GKAP1: variants seen among roughly 807,000 people sequenced by gnomAD.
The protein encoded by GKAP1 is G kinase anchoring protein 1.
In GKAP1, 31 loss-of-function variants were observed where a neutral mutation model predicts 56.7. The ratio of observed to expected loss-of-function variants is 0.55; its 90% CI spans 0.41 to 0.74. The LOEUF (loss-of-function observed/expected upper bound fraction) is 0.74. Among genes scored for constraint, GKAP1 ranks in the 30% least tolerant of loss-of-function variants. GKAP1 has a pLI of 0.00. For synonymous variants in GKAP1, 151 were observed against 138.6 expected (o/e 1.09, Z -0.63); for missense variants, 364 against 402.3 (o/e 0.90, Z 0.82).
At chr9:83,795,920 A>G (rs1414900033) in intron 4 of GKAP1, among the ~76,000 whole-genome samples, 1 of 151,970 alleles carries the variant, frequency 6.6e-6, no homozygotes. Context: ...TGGTCTTAAC[A>G]TTTTGGTTCT....
intron 7 of GKAP1, among the ~76,000 whole-genome samples, chr9:83,769,870 CTTG>C (rs1229200144): frequency 6.6e-6 from 1 of 152,162 alleles, no homozygotes; most frequent in Admixed American, 6.6e-5. Flanking sequence ...CTCATCAACA[CTTG>C]TTGTTATCTG....
At chr9:83,814,448 GA>G (rs1564219755) in intron 2 of GKAP1, among the ~76,000 whole-genome samples, 14 of 152,120 alleles carry the variant, frequency 9.2e-5, no homozygotes, top group Non-Finnish European at 2.1e-4. Context: ...ACCTGTTCCT[GA>G]AGTTAAACAT....
intron 2 of GKAP1, among the ~76,000 whole-genome samples, chr9:83,811,217 A>C (rs1944501888): frequency 1.3e-5 from 2 of 152,226 alleles, no homozygotes; most frequent in South Asian, 4.1e-4. Context: ...AACTCCATTG[A>C]AAAGTGTTTT....
At chr9:83,792,992 C>A in intron 4 of GKAP1, 9 of 1,279,766 alleles carry the variant, frequency 7.0e-6, no homozygotes, top group Non-Finnish European at 9.1e-6. Flanking sequence ...TTCCTCTTGA[C>A]TTCCTCATTG....
intron 8 of GKAP1, 121 bp downstream of exon 8, chr9:83,768,697 A>G: frequency 1.2e-6 from 1 of 812,086 alleles, no homozygotes. Context: ...AATTACTAAG[A>G]TCATATCCTA....
At chr9:83,790,025 T>C (rs2131300389) in intron 4 of GKAP1, among the ~76,000 whole-genome samples, 1 of 152,294 alleles carries the variant, frequency 6.6e-6, no homozygotes, top group South Asian at 2.1e-4. Context: ...GTGATCTGTT[T>C]CAAGGAGAAA....
chr9:83,812,665 A>G (rs554302079), intron 2 of GKAP1, among the ~76,000 whole-genome samples: 194 of 152,154 alleles, frequency 1.3e-3, no homozygotes, highest in African/African-American at 4.5e-3. Flanking sequence ...TTCTAAAAAA[A>G]AAAAAGAAAA....
intron 4 of GKAP1, 147 bp from the exon 5 acceptor site, chr9:83,788,825 A>G (rs1156385453): frequency 4.3e-6 from 2 of 468,286 alleles, no homozygotes; most frequent in African/African-American, 4.0e-5. Context: ...ACCATGCCAA[A>G]CTAGGAAGCC....
At chr9:83,809,983 A>G (rs893191991) in intron 2 of GKAP1, among the ~76,000 whole-genome samples, 2 of 151,424 alleles carry the variant, frequency 1.3e-5, no homozygotes, top group Non-Finnish European at 2.9e-5. Context: ...AATTTTTTCT[A>G]TTTTTTTTAT....
chr9:83,768,789 A>C, intron 8 of GKAP1, 29 bp downstream of exon 8: 1 of 1,585,650 alleles, frequency 6.3e-7, no homozygotes, highest in South Asian at 1.2e-5. Flanking sequence ...TTTCACTGTG[A>C]TTTTAAGAGA....
intron 7 of GKAP1, among the ~76,000 whole-genome samples, chr9:83,770,044 T>C (rs1354674256): frequency 5.9e-5 from 9 of 152,240 alleles, no homozygotes; most frequent in African/African-American, 2.2e-4. Flanking sequence ...GCCCATTTTT[T>C]AACTGGGTTA....
chr9:83,812,946 C>T (rs1226271208), intron 2 of GKAP1, among the ~76,000 whole-genome samples: 1 of 152,070 alleles, frequency 6.6e-6, no homozygotes, highest in Non-Finnish European at 1.5e-5. Context: ...AAAAGATAGT[C>T]ATGTTATGCA....
Position 83,767,504 on chromosome 9 carries a change from G to T in GKAP1, c.738+1314C>A, listed in dbSNP as rs188683366. ...CTTCCGAGTAGCTGGGACTACAGGC[G>T]CCCTCCACAACGCTCAGTTATTTTT... On this transcript the variant is annotated intron_variant, in intron 8 of 12. Coordinates refer to ENST00000376371, the MANE Select transcript of GKAP1 (RefSeq NM_025211.4). 9.9e-5 allele frequency among the ~76,000 whole-genome samples: 15 copies of T among 151,240 alleles called. No homozygotes were observed. In the South Asian group the frequency reaches 3.1e-3, roughly 32 times the overall value.
chr9:83,740,077 C>T (rs1372821689), intron 12 of GKAP1, among the ~76,000 whole-genome samples: 5 of 152,140 alleles, frequency 3.3e-5, no homozygotes, highest in Non-Finnish European at 7.4e-5. Flanking sequence ...AAACAGTACA[C>T]TTAAATTTGT....
intron 3 of GKAP1, among the ~76,000 whole-genome samples, chr9:83,804,967 G>A (rs1202934962): frequency 1.3e-5 from 2 of 152,168 alleles, no homozygotes; most frequent in Admixed American, 6.5e-5. Flanking sequence ...TCTGGGAGGT[G>A]TACCCAACAG....
intron 2 of GKAP1, among the ~76,000 whole-genome samples, chr9:83,814,771 C>CA (rs1164694317): frequency 6.6e-6 from 1 of 152,232 alleles, no homozygotes; most frequent in Non-Finnish European, 1.5e-5. Flanking sequence ...CGCAGATGTG[C>CA]ATGAGCAATT....
At chr9:83,743,830 A>T (rs1277590414) in intron 10 of GKAP1, among the ~76,000 whole-genome samples, 1 of 152,104 alleles carries the variant, frequency 6.6e-6, no homozygotes, top group Non-Finnish European at 1.5e-5. Context: ...AGGTATCTAT[A>T]CTTTGGCCCT....
At chr9:83,754,366 T>A (rs141496576) in intron 8 of GKAP1, among the ~76,000 whole-genome samples, 2 of 152,336 alleles carry the variant, frequency 1.3e-5, no homozygotes, top group African/African-American at 4.8e-5. Flanking sequence ...TGGTTCTATT[T>A]ATCTAAGGAG....
intron 3 of GKAP1, among the ~76,000 whole-genome samples, chr9:83,800,959 CAATTT>C (rs1300903701): frequency 1.3e-5 from 2 of 152,290 alleles, no homozygotes; most frequent in Middle Eastern, 3.4e-3. Context: ...TTGAAGTGTT[CAATTT>C]AATTTGTCTT....
Sources: gnomAD v4.1 joint callset for allele counts (sites outside exome capture counted in the v4.1 genomes callset) on GRCh38, gnomAD v4.1.1 for gene constraint, MANE v1.5 for transcripts, NCBI Gene and HGNC (gene_info 2026-07-23, HGNC 2026-07-21) for gene names.